The following CIMIP1 variants were observed in gnomAD, a reference collection of about 807,000 sequenced individuals.
CIMIP1 encodes ciliary microtubule inner protein 1.
chr20:58,160,659 A>T, the CIMIP1 span: 1 of 1,612,686 alleles, frequency 6.2e-7, no homozygotes, highest in East Asian at 2.2e-5. Flanking sequence ...TTTCCATTCC[A>T]GGTCTTTCCA....
At chr20:58,159,944 A>G in the CIMIP1 span, among the ~76,000 whole-genome samples, 19 of 152,338 alleles carry the variant, frequency 1.2e-4, no homozygotes, top group African/African-American at 4.6e-4. Context: ...TTCCATTAGT[A>G]AAAGTGAACT....
the CIMIP1 span, among the ~76,000 whole-genome samples, chr20:58,160,412 T>G: frequency 1.3e-5 from 2 of 152,208 alleles, no homozygotes; most frequent in Non-Finnish European, 2.9e-5. Context: ...CAAATAAAAA[T>G]TATTTTGCTG....
the CIMIP1 span, among the ~76,000 whole-genome samples, chr20:58,151,888 G>A: frequency 2.0e-5 from 3 of 152,146 alleles, no homozygotes; most frequent in South Asian, 6.2e-4. Context: ...ATTTTAATTG[G>A]CATGCTATCT....
the CIMIP1 span, among the ~76,000 whole-genome samples, chr20:58,152,534 C>A: frequency 4.7e-4 from 71 of 152,074 alleles, no homozygotes; most frequent in Non-Finnish European, 7.8e-4. Context: ...ACCAGCCTGG[C>A]CAACATGGTG....
At chr20:58,159,871 C>T in the CIMIP1 span, among the ~76,000 whole-genome samples, 3 of 152,186 alleles carry the variant, frequency 2.0e-5, no homozygotes, top group Admixed American at 6.5e-5. Context: ...TAAGGGGTTT[C>T]GTCCACCAGC....
the CIMIP1 span, chr20:58,153,489 A>G: frequency 8.2e-6 from 11 of 1,346,860 alleles, no homozygotes; most frequent in Non-Finnish European, 1.2e-5. Flanking sequence ...TGTCCCCCAC[A>G]GACCCCTTGA....
chr20:58,158,567 G>T, the CIMIP1 span, among the ~76,000 whole-genome samples: 5 of 151,922 alleles, frequency 3.3e-5, no homozygotes, highest in Non-Finnish European at 7.4e-5. Context: ...GGAGAACGAC[G>T]TGAACCCGGG....
chr20:58,157,841 G>T, the CIMIP1 span, among the ~76,000 whole-genome samples: 1 of 152,378 alleles, frequency 6.6e-6, no homozygotes, highest in East Asian at 1.9e-4. Flanking sequence ...ACACTGGGCT[G>T]GCCGGAGAAT....
At chr20:58,151,146 G>A in the CIMIP1 span, 7 of 966,390 alleles carry the variant, frequency 7.2e-6, no homozygotes, top group Non-Finnish European at 1.1e-5. Flanking sequence ...TAAACTCGAG[G>A]GGCAGAGGGG....
At chr20:58,158,877 C>T in the CIMIP1 span, among the ~76,000 whole-genome samples, 114 of 152,320 alleles carry the variant, frequency 7.5e-4, no homozygotes, top group African/African-American at 2.5e-3. Flanking sequence ...CCTCTGGCCT[C>T]ATTTTCTTAT....
the CIMIP1 span, chr20:58,151,066 C>A: frequency 6.4e-7 from 1 of 1,553,382 alleles, no homozygotes; most frequent in South Asian, 1.2e-5. Context: ...CGGTGGGCTC[C>A]TGTTCTCACC....
the CIMIP1 span, among the ~76,000 whole-genome samples, chr20:58,160,342 A>T: frequency 2.0e-5 from 3 of 152,268 alleles, no homozygotes; most frequent in Non-Finnish European, 4.4e-5. Flanking sequence ...ATTTTATAAA[A>T]GGCAGTGAAA....
At chr20:58,159,942 G>A in the CIMIP1 span, among the ~76,000 whole-genome samples, 2 of 152,336 alleles carry the variant, frequency 1.3e-5, no homozygotes, top group Non-Finnish European at 2.9e-5. Context: ...GGTTCCATTA[G>A]TAAAAGTGAA....
the CIMIP1 span, among the ~76,000 whole-genome samples, chr20:58,158,577 G>A: frequency 1.3e-5 from 2 of 152,022 alleles, no homozygotes; most frequent in Non-Finnish European, 1.5e-5. Flanking sequence ...GTGAACCCGG[G>A]AGGTGCAGCT....
At chr20:58,150,952 GC>G in the CIMIP1 span, 6 of 1,598,880 alleles carry the variant, frequency 3.8e-6, no homozygotes, top group African/African-American at 4.0e-5. Flanking sequence ...GGCGCACAGA[GC>G]CCCCAGGCCT....
the CIMIP1 span, among the ~76,000 whole-genome samples, chr20:58,151,400 A>G: frequency 1.3e-5 from 2 of 150,642 alleles, no homozygotes; most frequent in African/African-American, 4.9e-5. Context: ...TTTAAGACTG[A>G]TGATTTTTGT....
chr20:58,156,078 G>T, the CIMIP1 span, among the ~76,000 whole-genome samples: 1 of 152,164 alleles, frequency 6.6e-6, no homozygotes, highest in Non-Finnish European at 1.5e-5. Flanking sequence ...AGAGAGTGCC[G>T]ATGACAGTCA....
At chr20:58,160,912 C>A in the CIMIP1 span, 1 of 1,423,678 alleles carries the variant, frequency 7.0e-7, no homozygotes, top group Non-Finnish European at 9.5e-7. Flanking sequence ...CCCTGAATCC[C>A]GAGGACACAG....
the CIMIP1 span, among the ~76,000 whole-genome samples, chr20:58,151,543 G>A: frequency 6.6e-6 from 1 of 151,914 alleles, no homozygotes; most frequent in Non-Finnish European, 1.5e-5. Flanking sequence ...TTCCCGAGTA[G>A]CTGGGATTAC....
Sources: gnomAD v4.1 joint callset for allele counts (sites outside exome capture counted in the v4.1 genomes callset) on GRCh38, gnomAD v4.1.1 for gene constraint, MANE v1.5 for transcripts, NCBI Gene and HGNC (gene_info 2026-07-23, HGNC 2026-07-21) for gene names.